Variants in CTNNA3 observed in about 807,000 individuals in gnomAD.
The protein encoded by CTNNA3 is catenin alpha 3, also known as catenin alpha-3.
A neutral mutation model predicts 95.7 loss-of-function variants in CTNNA3; 76 were observed. The ratio of observed to expected loss-of-function variants is 0.79; its 90% CI spans 0.66 to 0.96. The LOEUF (loss-of-function observed/expected upper bound fraction) is 0.96, where lower values mean the gene tolerates loss of function less well. Ranked by LOEUF, CTNNA3 falls within the 40% of genes least tolerant of loss-of-function variation. The probability of loss-of-function intolerance (pLI) is 0.00; values close to 1 mark genes in which losing one functional copy is unlikely to be tolerated. For synonymous variants in CTNNA3, 431 were observed against 374.4 expected, an observed-to-expected ratio of 1.15 and a Z score of -1.74; for missense variants, 1,191 against 1,089.8, an observed-to-expected ratio of 1.09 and a Z score of -1.31.
At chr10:67,554,571 A>G (rs113849790) in intron 3 of CTNNA3, among the ~76,000 whole-genome samples, 2 of 152,222 alleles carry the variant, frequency 1.3e-5, no homozygotes, top group Middle Eastern at 3.4e-3. Flanking sequence ...AGAAGTGTCT[A>G]TTCATATCCT....
chr10:67,517,526 A>C (rs1839856565), intron 5 of CTNNA3, among the ~76,000 whole-genome samples: 1 of 152,266 alleles, frequency 6.6e-6, no homozygotes, highest in South Asian at 2.1e-4. Context: ...AAAAAAAAGC[A>C]GTTGTTCACT....
At chr10:67,618,960 A>T (rs1017190556) in intron 2 of CTNNA3, among the ~76,000 whole-genome samples, 1 of 152,166 alleles carries the variant, frequency 6.6e-6, no homozygotes, top group Non-Finnish European at 1.5e-5. Context: ...TAGTCTCTCA[A>T]TTCTAAAATA....
chr10:66,834,579 A>C (rs1842828066), intron 7 of CTNNA3, among the ~76,000 whole-genome samples: 1 of 152,234 alleles, frequency 6.6e-6, no homozygotes, highest in Non-Finnish European at 1.5e-5. Context: ...AAATCTCTGC[A>C]ATCCAATTTA....
At chr10:67,608,072 C>G (rs576636758) in intron 2 of CTNNA3, among the ~76,000 whole-genome samples, 1 of 151,870 alleles carries the variant, frequency 6.6e-6, no homozygotes, top group South Asian at 2.1e-4. Context: ...CAGGAAAGGC[C>G]TCTTGACAGG....
chr10:66,370,598 C>T (rs2092746362), intron 12 of CTNNA3, among the ~76,000 whole-genome samples: 1 of 152,170 alleles, frequency 6.6e-6, no homozygotes, highest in African/African-American at 2.4e-5. Flanking sequence ...CTCCTTAGCT[C>T]TCAAGGTAGC....
chr10:66,888,203 G>C (rs999374480), intron 7 of CTNNA3, among the ~76,000 whole-genome samples: 25 of 152,142 alleles, frequency 1.6e-4, no homozygotes, highest in Admixed American at 1.4e-3. Flanking sequence ...GCAAGGACTA[G>C]ATAAAGGCCT....
intron 13 of CTNNA3, among the ~76,000 whole-genome samples, chr10:66,125,340 A>G (rs2082771267): frequency 6.6e-6 from 1 of 152,126 alleles, no homozygotes; most frequent in Admixed American, 6.6e-5. Context: ...TGAGGGGAGG[A>G]ATTGAGAATA....
At chr10:66,575,818 C>T (rs1205003829) in intron 10 of CTNNA3, among the ~76,000 whole-genome samples, 4 of 152,202 alleles carry the variant, frequency 2.6e-5, no homozygotes, top group East Asian at 3.9e-4. Context: ...CTTGCCATTC[C>T]GCCTTGTGGA....
At chr10:67,596,267 C>A (rs1842929528) in intron 3 of CTNNA3, among the ~76,000 whole-genome samples, 4 of 152,094 alleles carry the variant, frequency 2.6e-5, no homozygotes, top group Admixed American at 1.3e-4. Flanking sequence ...TGGTAATAGT[C>A]TTTTGTTTCC....
chr10:65,941,524 T>A (rs748806635), intron 17 of CTNNA3, among the ~76,000 whole-genome samples: 17 of 152,140 alleles, frequency 1.1e-4, no homozygotes, highest in Non-Finnish European at 1.8e-4. Flanking sequence ...GAGTCTGCAT[T>A]TTCCCCCCAG....
chr10:67,689,892 G>A (rs1263570870), intron 1 of CTNNA3, among the ~76,000 whole-genome samples: 2 of 152,098 alleles, frequency 1.3e-5, no homozygotes, highest in Admixed American at 6.6e-5. Flanking sequence ...GGAAAAACAG[G>A]ACAGAATAGC....
intron 11 of CTNNA3, among the ~76,000 whole-genome samples, chr10:66,415,724 A>T (rs1589218688): frequency 6.6e-6 from 1 of 152,308 alleles, no homozygotes; most frequent in African/African-American, 2.4e-5. Context: ...AGGAAGTCTC[A>T]GATATCACTG....
At chr10:67,545,910 T>C (rs1035284911) in intron 3 of CTNNA3, among the ~76,000 whole-genome samples, 2 of 152,230 alleles carry the variant, frequency 1.3e-5, no homozygotes, top group African/African-American at 2.4e-5. Flanking sequence ...ACTTTAATTA[T>C]GTACTTGTAT....
intron 9 of CTNNA3, among the ~76,000 whole-genome samples, chr10:66,697,725 A>T (rs910918886): frequency 6.6e-6 from 1 of 152,188 alleles, no homozygotes; most frequent in Non-Finnish European, 1.5e-5. Flanking sequence ...TTCCCAGTAC[A>T]TGAAAAAACA....
chr10:65,956,695 G>T (rs2077738607), intron 17 of CTNNA3, among the ~76,000 whole-genome samples: 1 of 152,206 alleles, frequency 6.6e-6, no homozygotes, highest in African/African-American at 2.4e-5. Context: ...TGGTTGAGTG[G>T]TTTTGAGTGA....
At chr10:66,205,263 TATG>T (rs925020917) in intron 13 of CTNNA3, among the ~76,000 whole-genome samples, 49 of 152,036 alleles carry the variant, frequency 3.2e-4, no homozygotes, top group African/African-American at 1.1e-3. Flanking sequence ...TGAAACAATG[TATG>T]ATGACACCCA....
intron 14 of CTNNA3, among the ~76,000 whole-genome samples, chr10:66,070,641 G>T (rs185864795): frequency 6.6e-5 from 10 of 152,244 alleles, no homozygotes; most frequent in Non-Finnish European, 1.5e-4. Context: ...AACTGGTTAA[G>T]TGTATTCCAA....
intron 11 of CTNNA3, among the ~76,000 whole-genome samples, chr10:66,407,423 G>GATA (rs796912259): frequency 1.3e-5 from 2 of 151,730 alleles, no homozygotes; most frequent in African/African-American, 2.4e-5. Context: ...TAGCACCGAT[G>GATA]ATAATAATAA....
intron 14 of CTNNA3, among the ~76,000 whole-genome samples, chr10:66,098,978 T>C (rs1326521048): frequency 6.6e-6 from 1 of 152,232 alleles, no homozygotes; most frequent in African/African-American, 2.4e-5. Context: ...CAATGCCTAC[T>C]GGCATTTGCC....
Sources: gnomAD v4.1 joint callset for allele counts (sites outside exome capture counted in the v4.1 genomes callset) on GRCh38, gnomAD v4.1.1 for gene constraint, MANE v1.5 for transcripts, NCBI Gene and HGNC (gene_info 2026-07-23, HGNC 2026-07-21) for gene names.